Variants in NFATC2 observed in about 807,000 individuals in gnomAD.
NFATC2 encodes the protein nuclear factor of activated T cells 2.
NFATC2 carries 22 observed loss-of-function variants against 87.3 expected under a neutral mutation model. The ratio of observed to expected loss-of-function variants is 0.25; its 90% CI spans 0.18 to 0.36. NFATC2 has a LOEUF of 0.36. NFATC2 is among the 10% of genes least tolerant of loss of function. The probability of loss-of-function intolerance (pLI) is 1.00; values close to 1 mark genes in which losing one functional copy is unlikely to be tolerated. For synonymous variants in NFATC2, 565 were observed against 542.2 expected (o/e 1.04, Z -0.58); for missense variants, 1,149 against 1,259.1 (o/e 0.91, Z 1.32).
rs866677149 is a variant in NFATC2, at chr20:51,477,565, A to G, written c.1333-1905T>C. ...TATATATATATATATATATATATAT[A>G]TATATATATATATATAAAATAACAA... On this transcript the variant is annotated intron_variant, in intron 3 of 10. Transcript: ENST00000371564. Among the ~76,000 whole-genome samples, 543 of 107,066 alleles carry G rather than the reference A, an allele frequency of 5.1e-3. 6 individuals carry two copies. Among genetic ancestry groups the G allele is most frequent in the South Asian group, 0.012 (42 of 3,514 alleles). The allele number at this position is 107,066 out of a possible 152,430, so 70.2% of individuals were successfully genotyped here.
At chr20:51,451,398 G>A (rs1368825524) in intron 6 of NFATC2, among the ~76,000 whole-genome samples, 1 of 152,260 alleles carries the variant, frequency 6.6e-6, no homozygotes, top group African/African-American at 2.4e-5. Context: ...AATTTGGCAA[G>A]GTCTGGAGAC....
At chr20:51,418,959 C>CT (rs922530194) in intron 9 of NFATC2, among the ~76,000 whole-genome samples, 14 of 150,570 alleles carry the variant, frequency 9.3e-5, no homozygotes, top group African/African-American at 3.5e-4. Context: ...CCACCCCCAC[C>CT]GCCCTAGGTT....
intron 10 of NFATC2, among the ~76,000 whole-genome samples, chr20:51,392,182 G>A (rs967236079): frequency 6.6e-6 from 1 of 152,156 alleles, no homozygotes; most frequent in African/African-American, 2.4e-5. Context: ...AAAACTTACG[G>A]TTCTCAAAAG....
chr20:51,472,632 T>C (rs938918038), intron 5 of NFATC2, among the ~76,000 whole-genome samples: 31 of 73,290 alleles, frequency 4.2e-4, no homozygotes, highest in South Asian at 1.9e-3. Flanking sequence ...CTTTCTTCTT[T>C]TTTTTTTTTT....
chr20:51,506,799 T>C (rs1286125957), intron 3 of NFATC2, among the ~76,000 whole-genome samples: 1 of 152,136 alleles, frequency 6.6e-6, no homozygotes, highest in Non-Finnish European at 1.5e-5. Context: ...TCTTGTGGCA[T>C]GTTGCAGCTG....
At chr20:51,553,467 A>G (rs2076951280) in intron 1 of NFATC2, among the ~76,000 whole-genome samples, 1 of 152,100 alleles carries the variant, frequency 6.6e-6, no homozygotes. Context: ...CGAGGTCAGG[A>G]GATCGAGACC....
At chr20:51,540,176 C>T (rs1372524457) in intron 1 of NFATC2, among the ~76,000 whole-genome samples, 2 of 152,164 alleles carry the variant, frequency 1.3e-5, no homozygotes, top group African/African-American at 4.8e-5. Flanking sequence ...CCATGCCTGG[C>T]TAATTTGTGT....
rs1986132544 is a variant in NFATC2 at position 51,389,814 on chromosome 20, G to A, written c.*1682C>T. Reference sequence around the variant, plus strand: ...AGAGCCAGGACTTACAAAGCCCACAGTGGGCACTGAGTGGCCATGACTTTC... The same window carrying A: ...AGAGCCAGGACTTACAAAGCCCACAATGGGCACTGAGTGGCCATGACTTTC... On this transcript the variant is annotated 3_prime_UTR_variant, in exon 11 of 11. Transcript: ENST00000371564. 6.6e-6 allele frequency: 1 copy of A among 152,212 alleles called. No individual in the cohort carries two copies. Among genetic ancestry groups the A allele is most frequent in the Admixed American group, 6.5e-5 (1 of 15,294 alleles). The allele number at this position is 152,212 out of a possible 1,614,324, so 9.4% of individuals were successfully genotyped here. A position where few individuals can be genotyped will look rare whatever the true frequency, so the allele number is the denominator to read the frequency against.
chr20:51,507,749 G>A (rs796747645), intron 3 of NFATC2, among the ~76,000 whole-genome samples: 11 of 152,374 alleles, frequency 7.2e-5, no homozygotes, highest in African/African-American at 2.6e-4. Flanking sequence ...AACATGGGCT[G>A]TGGCTGCAGA....
intron 9 of NFATC2, among the ~76,000 whole-genome samples, chr20:51,427,502 T>C (rs6063652): frequency 0.74 from 112,064 of 152,084 alleles, 41,557 homozygotes; most frequent in East Asian, 0.96. Context: ...CCTTCCATCA[T>C]GCTCCTGTCA....
intron 5 of NFATC2, among the ~76,000 whole-genome samples, chr20:51,466,843 G>T (rs912389326): frequency 1.3e-5 from 2 of 152,050 alleles, no homozygotes; most frequent in Admixed American, 6.6e-5. Context: ...AGGCCGAGGC[G>T]GGCAGATCGC....
chr20:51,477,566 T>TA (rs1245908380), intron 3 of NFATC2, among the ~76,000 whole-genome samples: 3 of 101,954 alleles, frequency 2.9e-5, no homozygotes, highest in Admixed American at 9.6e-5. Context: ...TATATATATA[T>TA]ATATATATAT....
chr20:51,562,592 T>A lies in NFATC2; in HGVS notation c.38A>T (p.His13Leu), dbSNP rs913041596. Residue 13 changes from histidine (H) to leucine (L), a missense_variant, in exon 1 of 11, where the codon CAT becomes CTT. Physicochemically the swap from His to Leu is moderately conservative, Grantham distance 99. Coordinates refer to the NFATC2 transcript ENST00000414705. This position sits in a 1 kb window ranked among gnomAD's most constrained non-coding sequence, Gnocchi z 5.8. The stretch of plus-strand genomic sequence containing the variant: ...CACAGACCCCATGATGCGGAGGGGA[T>A]GGCAGTGCCCCAGTCTGAACGCAGC... The A allele has an allele frequency of 6.4e-7, 1 of 1,551,220 alleles. No individual in the cohort carries two copies. The highest frequency in any genetic ancestry group is 2.0e-5 in the Admixed American group (1 of 50,988).
At chr20:51,450,989 G>A (rs914769598) in intron 6 of NFATC2, among the ~76,000 whole-genome samples, 10 of 152,228 alleles carry the variant, frequency 6.6e-5, no homozygotes, top group African/African-American at 2.4e-4. Flanking sequence ...CTCCCAGAGT[G>A]CTTAAAAGCT....
chr20:51,552,906 C>T (rs2076946007), intron 1 of NFATC2, among the ~76,000 whole-genome samples: 1 of 152,136 alleles, frequency 6.6e-6, no homozygotes, highest in Non-Finnish European at 1.5e-5. Flanking sequence ...CTGCACCCAT[C>T]AACCCATCAC....
At chr20:51,471,223 G>A (rs2146499787) in intron 5 of NFATC2, among the ~76,000 whole-genome samples, 1 of 152,304 alleles carries the variant, frequency 6.6e-6, no homozygotes, top group Admixed American at 6.5e-5. Context: ...AAGAGAGGGA[G>A]GATCAGGGGC....
chr20:51,447,810 T>G (rs1174369234), intron 6 of NFATC2, among the ~76,000 whole-genome samples: 2 of 152,208 alleles, frequency 1.3e-5, no homozygotes, highest in Admixed American at 1.3e-4. Context: ...AGACCCTGAT[T>G]GTTCTGTTTG....
chr20:51,539,158 G>A (rs148752328), intron 1 of NFATC2, among the ~76,000 whole-genome samples: 1 of 152,256 alleles, frequency 6.6e-6, no homozygotes, highest in African/African-American at 2.4e-5. Context: ...CATAAAATGA[G>A]CATCCGACCT....
intron 6 of NFATC2, among the ~76,000 whole-genome samples, chr20:51,439,379 G>T (rs561088182): frequency 6.6e-6 from 1 of 152,234 alleles, no homozygotes; most frequent in Non-Finnish European, 1.5e-5. Context: ...GCCAGACCCT[G>T]TGGGGAAGCC....
Sources: gnomAD v4.1 joint callset for allele counts (sites outside exome capture counted in the v4.1 genomes callset) on GRCh38, gnomAD v4.1.1 for gene constraint, Gnocchi (gnomAD v3.1) non-coding constraint, MANE v1.5 for transcripts, NCBI Gene and HGNC (gene_info 2026-07-23, HGNC 2026-07-21) for gene names.